The following EPHA4 variants were observed in gnomAD, a reference collection of about 807,000 sequenced individuals.
EPHA4 encodes the protein EPH receptor A4.
In EPHA4, 19 loss-of-function variants were observed where a neutral mutation model predicts 108.3. The ratio of observed to expected loss-of-function variants is 0.18; its 90% CI spans 0.12 to 0.26. EPHA4 has a LOEUF of 0.26. Ranked by LOEUF, EPHA4 falls within the 10% of genes least tolerant of loss-of-function variation. The pLI is 1.00. For missense variants in EPHA4, 917 were observed against 1,254.0 expected (o/e 0.73, Z 4.06); for synonymous variants, 449 against 455.5 (o/e 0.99, Z 0.18).
chr2:221,553,531 C>T (rs893641332), intron 3 of EPHA4, among the ~76,000 whole-genome samples: 6 of 152,152 alleles, frequency 3.9e-5, no homozygotes, highest in Admixed American at 3.3e-4. Flanking sequence ...AGATCTGAAG[C>T]AGACAAAGGC....
intron 14 of EPHA4, among the ~76,000 whole-genome samples, chr2:221,431,324 C>G (rs1321377623): frequency 2.0e-5 from 3 of 152,088 alleles, no homozygotes; most frequent in Admixed American, 1.3e-4. Context: ...CTGGACTCAC[C>G]CTGTGGTGGG....
upstream of EPHA4, chr2:221,572,330 A>T (rs1204765531): frequency 1.5e-6 from 2 of 1,318,496 alleles, no homozygotes; most frequent in Non-Finnish European, 2.1e-6. Context: ...CGGGCTGAAG[A>T]CATTGCCAAG....
At chr2:221,444,384 G>C (rs1690522013) in intron 9 of EPHA4, among the ~76,000 whole-genome samples, 1 of 152,106 alleles carries the variant, frequency 6.6e-6, no homozygotes, top group Non-Finnish European at 1.5e-5. Flanking sequence ...CTTTGTCCTG[G>C]CACTTGCACC....
Position 221,568,755 on chromosome 2 carries a change from C to G in EPHA4, c.122G>C (p.Gly41Ala), listed in dbSNP as rs201423814. 6.9e-5 allele frequency: 112 copies of G among 1,613,720 alleles called. No individual in the cohort carries two copies. The highest frequency in any genetic ancestry group is 1.4e-5 in the Non-Finnish European group (16 of 1,179,936). ...AGGGCTTGCTATCCACCCAAGTTCT[C>G]CCTGAACAGATCTGGAATCCAATAA... ...VTLLDSRSVQ[G>A]ELGWIASPLE... is the part of the protein sequence containing the mutation. The change falls in exon 2 of 18, where the codon GGA becomes GCA. Residue 41 changes from glycine (G) to alanine (A), a missense_variant. By Grantham distance (60) the Gly-to-Ala change is moderately conservative. Coordinates refer to ENST00000281821, the MANE Select transcript of EPHA4 (RefSeq NM_004438.5).
At chr2:221,542,821 G>A (rs1001324092) in intron 3 of EPHA4, among the ~76,000 whole-genome samples, 1 of 152,142 alleles carries the variant, frequency 6.6e-6, no homozygotes, top group East Asian at 1.9e-4. Context: ...TCCTACATTT[G>A]TTTAAAACAA....
chr2:221,467,876 G>A (rs1381547677), intron 5 of EPHA4, among the ~76,000 whole-genome samples: 1 of 152,164 alleles, frequency 6.6e-6, no homozygotes, highest in East Asian at 1.9e-4. Flanking sequence ...GATTCAATGT[G>A]TGTGTTTCCT....
rs1443433118 is a variant in EPHA4 at position 221,456,750 on chromosome 2, C to T, written c.1466G>A (p.Arg489His). ...YEKDQNERSY[R>H]IVRTAARNTD... ...GTTCCTGGCAGCTGTCCGAACTATACGATAGCTTCGCTCATTCTGATCCTA... is the reference window on the plus strand; with the variant it reads ...GTTCCTGGCAGCTGTCCGAACTATATGATAGCTTCGCTCATTCTGATCCTA... The change falls in exon 7 of 18, where the codon CGT becomes CAT. Residue 489 changes from arginine to histidine, a missense_variant. By Grantham distance (29) the Arg-to-His change is conservative (BLOSUM62 0). Coordinates refer to ENST00000281821, the MANE Select transcript of EPHA4 (RefSeq NM_004438.5). 5 of 1,613,644 alleles carry T rather than the reference C, an allele frequency of 3.1e-6. No individual in the cohort carries two copies. Among genetic ancestry groups the T allele is most frequent in the East Asian group, 2.2e-5 (1 of 44,868 alleles).
intron 11 of EPHA4, among the ~76,000 whole-genome samples, chr2:221,437,741 G>A (rs1174829842): frequency 7.3e-6 from 1 of 136,886 alleles, no homozygotes; most frequent in Admixed American, 7.6e-5. Context: ...GTGAAACCCC[G>A]TTTCTACTAA....
Position 221,572,241 on chromosome 2 carries a change from C to T in EPHA4, c.8G>A (p.Gly3Glu), listed in dbSNP as rs939371167. Reference protein sequence around the residue: MAGIFYFALFSCL... With the variant: MAEIFYFALFSCL... ...CGAAAATAGGGCGAAATAGAAAATC[C>T]CAGCCATGGTTCGCCGGTGCCAACG... The change falls in exon 1 of 18, where the codon GGG becomes GAG. Residue 3 changes from glycine (G) to glutamate (E), a missense_variant. By Grantham distance (98) the Gly-to-Glu change is moderately conservative. Transcript: ENST00000281821. 1 of 1,613,982 alleles carries T rather than the reference C, an allele frequency of 6.2e-7. No individual in the cohort carries two copies. The highest frequency in any genetic ancestry group is 1.3e-5 in the African/African-American group (1 of 74,950).
At chr2:221,466,886 C>CT (rs112954601) in intron 5 of EPHA4, among the ~76,000 whole-genome samples, 6,875 of 152,200 alleles carry the variant, frequency 0.045, 515 homozygotes, top group African/African-American at 0.16. Context: ...TCTGCCCCTC[C>CT]TTTCCATGGT....
At chr2:221,426,441 G>C in intron 16 of EPHA4, 23 bp downstream of exon 16, 1 of 1,576,588 alleles carries the variant, frequency 6.3e-7, no homozygotes, top group African/African-American at 1.4e-5. Flanking sequence ...TTACCCTTTC[G>C]TGTTACATCG....
intron 9 of EPHA4, among the ~76,000 whole-genome samples, chr2:221,444,902 C>T (rs1328526329): frequency 6.6e-6 from 1 of 151,800 alleles, no homozygotes; most frequent in Non-Finnish European, 1.5e-5. Context: ...GGATTACAGG[C>T]GTGCATTATC....
At chr2:221,463,968 A>C (rs1053355625) in intron 5 of EPHA4, among the ~76,000 whole-genome samples, 4 of 152,196 alleles carry the variant, frequency 2.6e-5, no homozygotes, top group Admixed American at 2.6e-4. Flanking sequence ...TTACTGGTTC[A>C]AATTAGAGGG....
Position 221,436,399 on chromosome 2 carries a change from C to T in EPHA4, c.2346G>A (p.Arg782=). 1 of 1,613,858 alleles carries T rather than the reference C, an allele frequency of 6.2e-7. No homozygotes were observed. Among genetic ancestry groups the T allele is most frequent in the Non-Finnish European group, 8.5e-7 (1 of 1,179,822 alleles). Residue 782 remains arginine, a splice_region_variant and synonymous_variant, in exon 13 of 18, where the codon AGG becomes AGA. Transcript: ENST00000281821. ...EDDPEAAYTT[R]GGKIPIRWTA... ...CCCAGATGTCACCGATCTTTCTTAC[C>T]CTGGTGGTGTAAGCTGCTTCCGGAT... is the stretch of plus-strand genomic sequence containing the variant.
intron 15 of EPHA4, among the ~76,000 whole-genome samples, chr2:221,428,749 T>G (rs371432384): frequency 1.3e-5 from 2 of 152,190 alleles, no homozygotes; most frequent in Non-Finnish European, 2.9e-5. Flanking sequence ...AGTGACCAAG[T>G]GGCAGAGGTG....
chr2:221,563,168 A>T (rs1415337222), intron 3 of EPHA4, among the ~76,000 whole-genome samples: 1 of 152,196 alleles, frequency 6.6e-6, no homozygotes, highest in Non-Finnish European at 1.5e-5. Context: ...AACAGAATGT[A>T]CTTGAAGCAA....
At chr2:221,547,950 C>T (rs562792957) in intron 3 of EPHA4, among the ~76,000 whole-genome samples, 97 of 152,246 alleles carry the variant, frequency 6.4e-4, no homozygotes, top group Middle Eastern at 3.4e-3. Context: ...TTTTGTGAAA[C>T]GTTAATAATT....
chr2:221,459,111 G>C (rs1004810918), intron 5 of EPHA4, among the ~76,000 whole-genome samples: 2 of 152,150 alleles, frequency 1.3e-5, no homozygotes, highest in African/African-American at 4.8e-5. Flanking sequence ...AAAATGGTAT[G>C]GGAAAAGCTT....
intron 5 of EPHA4, among the ~76,000 whole-genome samples, chr2:221,461,308 C>T (rs1381459664): frequency 6.6e-6 from 1 of 152,162 alleles, no homozygotes; most frequent in East Asian, 1.9e-4. Flanking sequence ...ACCCAAATGT[C>T]TTGAATCCTG....
Sources: allele counts gnomAD v4.1 joint callset (sites outside exome capture counted in the v4.1 genomes callset), GRCh38; gene constraint gnomAD v4.1.1; transcripts MANE v1.5; gene names NCBI Gene and HGNC (gene_info 2026-07-23, HGNC 2026-07-21).